Variants in SLC1A4 observed in about 807,000 individuals in gnomAD.
The protein encoded by SLC1A4 is neutral amino acid transporter A.
Under a neutral mutation model 37.7 loss-of-function variants are expected in SLC1A4, and 19 were observed. The observed-to-expected ratio is 0.50, with a 90% confidence interval of 0.35 to 0.74. SLC1A4 has a LOEUF of 0.74. Among genes scored for constraint, SLC1A4 ranks in the 30% least tolerant of loss-of-function variants. SLC1A4 has a pLI of 0.01. For missense variants in SLC1A4, 570 were observed against 712.9 expected (o/e 0.80, Z 2.28); for synonymous variants, 299 against 309.8 (o/e 0.97, Z 0.37).
At chr2:65,006,730 G>T (rs1399524550) in intron 3 of SLC1A4, among the ~76,000 whole-genome samples, 1 of 152,116 alleles carries the variant, frequency 6.6e-6, no homozygotes, top group East Asian at 1.9e-4. Flanking sequence ...CTTGAAGCCA[G>T]AAATTTGAGA....
Position 65,018,453 on chromosome 2 carries a change from T to C in SLC1A4, c.1230-92T>C. 3.9e-6 allele frequency: 6 copies of C among 1,550,056 alleles called. No individual in the cohort carries two copies. The highest frequency in any genetic ancestry group is 5.2e-6 in the Non-Finnish European group (6 of 1,145,630). ...GAGCCTATGGTGGGGCGGTTTTTAG[T>C]TTCCAGCCACATTGCAGCTGCATGG... On this transcript the variant is annotated intron_variant, in intron 6 of 7. Transcript: ENST00000234256. The surrounding 1 kb of genome is among the most constrained non-coding windows in gnomAD (Gnocchi z 4.3).
At chr2:65,009,040 G>A (rs1025240029) in intron 3 of SLC1A4, among the ~76,000 whole-genome samples, 2 of 152,090 alleles carry the variant, frequency 1.3e-5, no homozygotes, top group African/African-American at 4.8e-5. Context: ...CGCCCTATAC[G>A]GTGATCATTG....
intron 1 of SLC1A4, among the ~76,000 whole-genome samples, chr2:64,998,106 G>A (rs938992119): frequency 2.2e-4 from 33 of 152,166 alleles, no homozygotes; most frequent in East Asian, 5.8e-4. Context: ...GTGTGGTGGC[G>A]GGCGCCTGTA....
intron 2 of SLC1A4, among the ~76,000 whole-genome samples, chr2:65,002,646 T>C (rs369296623): frequency 2.7e-5 from 4 of 147,436 alleles, no homozygotes; most frequent in African/African-American, 7.5e-5. Flanking sequence ...GGCGCGATCT[T>C]GGCTCACTGC....
At chr2:65,012,246 C>G (rs555514777) in intron 4 of SLC1A4, among the ~76,000 whole-genome samples, 1 of 151,110 alleles carries the variant, frequency 6.6e-6, no homozygotes, top group Admixed American at 6.6e-5. Flanking sequence ...ACCGCCACCA[C>G]GCCCAGCTAA....
intron 3 of SLC1A4, among the ~76,000 whole-genome samples, chr2:65,008,366 A>G (rs1673768957): frequency 1.3e-5 from 2 of 152,216 alleles, no homozygotes; most frequent in Admixed American, 1.3e-4. Context: ...GGCCAGGTGC[A>G]GTGGCTCACA....
intron 3 of SLC1A4, among the ~76,000 whole-genome samples, chr2:65,006,572 C>T (rs778983290): frequency 9.2e-5 from 14 of 152,060 alleles, no homozygotes; most frequent in South Asian, 8.3e-4. Context: ...AACCCTGTGG[C>T]GAGAAGACTG....
At chr2:64,996,071 C>T (rs1007372912) in intron 1 of SLC1A4, among the ~76,000 whole-genome samples, 1 of 152,082 alleles carries the variant, frequency 6.6e-6, no homozygotes, top group Non-Finnish European at 1.5e-5. Context: ...CATTCATTAT[C>T]TCCTGGCTTG....
chr2:65,016,389 C>A, intron 4 of SLC1A4, 51 bp from the exon 5 acceptor site: 1 of 1,436,116 alleles, frequency 7.0e-7, no homozygotes, highest in South Asian at 1.1e-5. Flanking sequence ...ACCTGCATCT[C>A]TCACCCCAGC....
intron 1 of SLC1A4, among the ~76,000 whole-genome samples, chr2:64,995,392 C>T (rs1462453985): frequency 6.6e-6 from 1 of 152,190 alleles, no homozygotes; most frequent in Admixed American, 6.5e-5. Flanking sequence ...GTGTGTCCCA[C>T]CCTCTCAGGG....
intron 4 of SLC1A4, chr2:65,011,332 T>A (rs1673909632): frequency 6.6e-6 from 1 of 152,200 alleles, no homozygotes; most frequent in African/African-American, 2.4e-5. Context: ...AGCGGCGCGA[T>A]CTCGGCTCCC....
chr2:65,010,669 G>A lies in SLC1A4; in HGVS notation c.706G>A (p.Ala236Thr). 2.5e-6 allele frequency: 4 copies of A among 1,614,100 alleles called. 1 individual carries two copies. The highest frequency in any genetic ancestry group is 2.2e-5 in the South Asian group (2 of 91,072). ...LVLFALVLGVALKKLGSEGED... is the reference protein window; with the variant it reads ...LVLFALVLGVTLKKLGSEGED... Reference sequence around the variant, plus strand: ...CCTGTTTGCTCTGGTGTTAGGAGTGGCCTTAAAGAAACTAGGCTCCGAAGG... The same window carrying A: ...CCTGTTTGCTCTGGTGTTAGGAGTGACCTTAAAGAAACTAGGCTCCGAAGG... Residue 236 changes from alanine to threonine, a missense_variant, in exon 4 of 8, where the codon GCC (alanine) becomes ACC (threonine). By Grantham distance (58) the Ala-to-Thr change is moderately conservative. Coordinates refer to ENST00000234256, the MANE Select transcript of SLC1A4 (RefSeq NM_003038.5).
intron 7 of SLC1A4, among the ~76,000 whole-genome samples, chr2:65,019,979 T>G (rs1283168166): frequency 6.6e-6 from 1 of 152,172 alleles, no homozygotes; most frequent in Non-Finnish European, 1.5e-5. Flanking sequence ...AAGATCACAT[T>G]TTTCCCTCTC....
intron 1 of SLC1A4, 153 bp from the exon 2 acceptor site, chr2:65,001,295 G>A (rs1160628691): frequency 1.5e-6 from 1 of 661,924 alleles, no homozygotes; most frequent in East Asian, 2.6e-5. Context: ...CCAACACTTT[G>A]GGAGGCTGAG....
In SLC1A4 at chr2:64,990,052, TTCA is replaced by T. The variant is rs1327684608; in HGVS notation, c.416_418del (p.Ile139del). On this transcript the variant is annotated inframe_deletion, in exon 1 of 8. Transcript: ENST00000234256. ...CTCGGCGCTCGCCGTGGCCTTGGCG[TTCA>T]TCATCAAGCCAGGATCCGGTGCGCA... 1.9e-6 allele frequency: 3 copies of T among 1,607,578 alleles called. No individual in the cohort carries two copies. The highest frequency in any genetic ancestry group is 3.4e-5 in the Admixed American group (2 of 59,378).
At chr2:64,991,041 A>G (rs893826357) in intron 1 of SLC1A4, among the ~76,000 whole-genome samples, 7 of 152,122 alleles carry the variant, frequency 4.6e-5, no homozygotes, top group African/African-American at 1.7e-4. Flanking sequence ...TACTGATCTA[A>G]CCAGGTTCAG....
At chr2:65,011,857 C>A (rs1337320650) in intron 4 of SLC1A4, among the ~76,000 whole-genome samples, 1 of 152,014 alleles carries the variant, frequency 6.6e-6, no homozygotes, top group African/African-American at 2.4e-5. Flanking sequence ...CAACCTCCGC[C>A]TCCTGGGTTC....
intron 4 of SLC1A4, 90 bp from the exon 5 acceptor site, chr2:65,016,350 G>A (rs1674132096): frequency 9.8e-7 from 1 of 1,022,816 alleles, no homozygotes. Flanking sequence ...CGGCCTGGCT[G>A]AAAGTCCCTG....
At chr2:65,002,136 C>T (rs1049915398) in intron 2 of SLC1A4, among the ~76,000 whole-genome samples, 7 of 151,974 alleles carry the variant, frequency 4.6e-5, no homozygotes, top group African/African-American at 1.7e-4. Context: ...AAAAATTAGC[C>T]AGGTGTGGTG....
Sources: allele counts gnomAD v4.1 joint callset (sites outside exome capture counted in the v4.1 genomes callset), GRCh38; gene constraint gnomAD v4.1.1; non-coding constraint Gnocchi (gnomAD v3.1); transcripts MANE v1.5; gene names NCBI Gene and HGNC (gene_info 2026-07-23, HGNC 2026-07-21).